Variants in SNX29 observed in about 807,000 individuals in gnomAD.
The protein encoded by SNX29 is sorting nexin 29.
A neutral mutation model predicts 102.1 loss-of-function variants in SNX29; 78 were observed. The ratio of observed to expected loss-of-function variants is 0.76; its 90% CI spans 0.64 to 0.92. The LOEUF (loss-of-function observed/expected upper bound fraction) is 0.92. Among genes scored for constraint, SNX29 ranks in the 40% least tolerant of loss-of-function variants. SNX29 has a pLI of 0.00. For synonymous variants in SNX29, 580 were observed against 414.5 expected, an observed-to-expected ratio of 1.40 and a Z score of -4.85; for missense variants, 1,280 against 1,061.7, an observed-to-expected ratio of 1.21 and a Z score of -2.86.
chr16:12,566,255 G>A (rs984666777), intron 20 of SNX29, among the ~76,000 whole-genome samples: 1 of 152,186 alleles, frequency 6.6e-6, no homozygotes, highest in African/African-American at 2.4e-5. Flanking sequence ...AGGAAACCAA[G>A]GGTCAGACAG....
At chr16:12,003,127 C>A (rs574624594) in intron 3 of SNX29, 84 bp downstream of exon 3, 1 of 1,564,080 alleles carries the variant, frequency 6.4e-7, no homozygotes, top group East Asian at 2.2e-5. Flanking sequence ...CGTTGACCAT[C>A]GAGGTTGGAA....
intron 15 of SNX29, among the ~76,000 whole-genome samples, chr16:12,353,674 G>C (rs537787150): frequency 1.3e-5 from 2 of 152,300 alleles, no homozygotes; most frequent in South Asian, 4.1e-4. Context: ...CTTGTCTCCA[G>C]GGTGACCTCT....
At chr16:12,063,630 G>A in intron 9 of SNX29, among the ~76,000 whole-genome samples, 1 of 151,820 alleles carries the variant, frequency 6.6e-6, no homozygotes. Flanking sequence ...CCACCTCCTT[G>A]GCCTCCCACA....
chr16:12,191,784 A>G (rs2076649503), intron 13 of SNX29, among the ~76,000 whole-genome samples: 1 of 152,294 alleles, frequency 6.6e-6, no homozygotes, highest in East Asian at 1.9e-4. Context: ...GGCTGCAAAC[A>G]CCACAAAGCC....
chr16:12,324,982 G>A (rs1191487485), intron 15 of SNX29, among the ~76,000 whole-genome samples: 1 of 152,056 alleles, frequency 6.6e-6, no homozygotes, highest in Non-Finnish European at 1.5e-5. Context: ...TCTCCCACTG[G>A]CCCTTTATAT....
intron 15 of SNX29, among the ~76,000 whole-genome samples, chr16:12,325,852 TC>T (rs1190643945): frequency 9.2e-5 from 14 of 151,918 alleles, no homozygotes; most frequent in Admixed American, 9.2e-4. Flanking sequence ...CACAACAAGA[TC>T]CTGTCTCTAA....
At position 12,573,348 on chromosome 16, in the gene SNX29, ACTT is replaced by A; in HGVS notation, c.*4722_*4724del. The A allele has an allele frequency of 1.3e-5, 3 of 225,334 alleles. No individual in the cohort carries two copies. The highest frequency in any genetic ancestry group is 2.7e-5 in the Non-Finnish European group (3 of 113,096). 14.0% of individuals were successfully genotyped at this position (225,334 alleles called of 1,614,324 possible). On this transcript the variant is annotated 3_prime_UTR_variant, in exon 21 of 21. Transcript: ENST00000566228. Reference sequence around the variant, plus strand: ...GAATTATGTCATGGAGTAGACAGTTACTTCTAAATCCCAGCAACCAAGTTGCGT... The same window carrying A: ...GAATTATGTCATGGAGTAGACAGTTACTAAATCCCAGCAACCAAGTTGCGT...
Position 12,568,836 on chromosome 16 carries a change from A to AC in SNX29, c.*209dup. On this transcript the variant is annotated 3_prime_UTR_variant, in exon 21 of 21. Transcript: ENST00000566228. Reference sequence around the variant, plus strand: ...CCGTGACCCGAGAGACCAAGGCAGCACCTCGCTGGAGAGACTGGGACACAC... The same window carrying AC: ...CCGTGACCCGAGAGACCAAGGCAGCACCCTCGCTGGAGAGACTGGGACACAC... The AC allele has an allele frequency of 5.3e-6, 4 of 756,332 alleles. No homozygotes were observed. The South Asian group carries it at 5.7e-5, about 11-fold the overall frequency. The allele number at this position is 756,332 out of a possible 1,614,324, so 46.9% of individuals were successfully genotyped here.
chr16:12,230,179 C>T (rs180963514), intron 14 of SNX29, among the ~76,000 whole-genome samples: 1 of 152,334 alleles, frequency 6.6e-6, no homozygotes, highest in East Asian at 1.9e-4. Flanking sequence ...AGACAGCTTT[C>T]ATTAGTTGTC....
At chr16:12,003,263 A>G (rs113275059) in intron 3 of SNX29, among the ~76,000 whole-genome samples, 1,642 of 152,226 alleles carry the variant, frequency 0.011, 34 homozygotes, top group African/African-American at 0.037. Context: ...ATTTTCCATA[A>G]TTCTCTTTCT....
At chr16:12,074,799 C>T (rs1408246477) in intron 10 of SNX29, among the ~76,000 whole-genome samples, 2 of 152,232 alleles carry the variant, frequency 1.3e-5, no homozygotes, top group African/African-American at 4.8e-5. Flanking sequence ...CTTTCAGGTA[C>T]ACCAATCAGA....
intron 14 of SNX29, among the ~76,000 whole-genome samples, chr16:12,275,023 G>A (rs745495207): frequency 7.9e-5 from 12 of 152,212 alleles, no homozygotes; most frequent in Non-Finnish European, 1.6e-4. Context: ...GCTTTTCTCT[G>A]TTTATTCCTG....
At chr16:12,340,598 G>A (rs1046982869) in intron 15 of SNX29, among the ~76,000 whole-genome samples, 2 of 152,176 alleles carry the variant, frequency 1.3e-5, no homozygotes. Context: ...GTGACCACTT[G>A]GGGGCAGTGT....
chr16:12,418,394 G>GT (rs1254484178), intron 18 of SNX29, among the ~76,000 whole-genome samples: 1 of 151,888 alleles, frequency 6.6e-6, no homozygotes, highest in African/African-American at 2.4e-5. Flanking sequence ...CTAGAAAGCT[G>GT]TTTTTCTAGT....
chr16:12,370,665 G>A (rs1384434370), intron 16 of SNX29, among the ~76,000 whole-genome samples: 7 of 152,304 alleles, frequency 4.6e-5, no homozygotes, highest in East Asian at 1.9e-4. Flanking sequence ...ATCTTCCGGC[G>A]TGTTCTGGGA....
At chr16:12,084,034 G>A (rs557670200) in intron 11 of SNX29, among the ~76,000 whole-genome samples, 3 of 152,254 alleles carry the variant, frequency 2.0e-5, no homozygotes, top group South Asian at 4.1e-4. Flanking sequence ...CTGTATTCTT[G>A]TGGTTATTTA....
Position 12,572,345 on chromosome 16 carries a change from T to TTGA in SNX29, c.*3719_*3721dup. The TTGA allele has an allele frequency of 9.4e-7, 1 of 1,062,900 alleles. No individual in the cohort carries two copies. Among genetic ancestry groups the TTGA allele is most frequent in the Non-Finnish European group, 1.1e-6 (1 of 877,734 alleles). The allele number at this position is 1,062,900 out of a possible 1,614,324, so 65.8% of individuals were successfully genotyped here. Reference sequence around the variant, plus strand: ...GAGTGAAGCCCACCAGCCTGCCTGGTTGATGGACAGCAGGCTCTGCCTTCT... The same window carrying TTGA: ...GAGTGAAGCCCACCAGCCTGCCTGGTTGATGATGGACAGCAGGCTCTGCCTTCT... On this transcript the variant is annotated 3_prime_UTR_variant, in exon 21 of 21. Coordinates refer to ENST00000566228, the MANE Select transcript of SNX29 (RefSeq NM_032167.5).
chr16:12,028,036 C>A (rs1362533076), intron 4 of SNX29, among the ~76,000 whole-genome samples: 1 of 152,204 alleles, frequency 6.6e-6, no homozygotes, highest in Non-Finnish European at 1.5e-5. Context: ...TCATAGTGAT[C>A]TGCTTTGGAG....
chr16:12,073,004 C>T (rs1211998686), intron 10 of SNX29, among the ~76,000 whole-genome samples: 34 of 152,186 alleles, frequency 2.2e-4, no homozygotes, highest in African/African-American at 4.3e-4. Context: ...TCTGTGGGAT[C>T]GGTGGTGATA....
Sources: allele counts gnomAD v4.1 joint callset (sites outside exome capture counted in the v4.1 genomes callset), GRCh38; gene constraint gnomAD v4.1.1; transcripts MANE v1.5; gene names NCBI Gene and HGNC (gene_info 2026-07-23, HGNC 2026-07-21).